PPIH: variants seen among roughly 807,000 people sequenced by gnomAD.
PPIH encodes peptidylprolyl isomerase H.
PPIH carries 16 observed loss-of-function variants against 27.6 expected under a neutral mutation model. That is an observed-to-expected ratio of 0.58 (90% CI 0.39 to 0.88). PPIH has a LOEUF of 0.88. Among genes scored for constraint, PPIH ranks in the 40% least tolerant of loss-of-function variants. The probability of loss-of-function intolerance (pLI) is 0.00; values close to 1 mark genes in which losing one functional copy is unlikely to be tolerated. For missense variants in PPIH, 155 were observed against 224.1 expected (o/e 0.69, Z 1.97); for synonymous variants, 63 against 76.1 (o/e 0.83, Z 0.90).
chr1:42,664,318 G>A (rs1026968134), intron 5 of PPIH, among the ~76,000 whole-genome samples: 1 of 152,184 alleles, frequency 6.6e-6, no homozygotes, highest in Non-Finnish European at 1.5e-5. Flanking sequence ...GCCTCAAAGA[G>A]AGCATCTATC....
chr1:42,659,209 C>G lies in PPIH; in HGVS notation c.132-19C>G. On this transcript the variant is annotated intron_variant, in intron 2 of 9. Coordinates refer to ENST00000304979, the MANE Select transcript of PPIH (RefSeq NM_006347.4). ...GTGACATCATAGTGATTGAATCATT[C>G]ATTTTTTGTCCCTTTCAGGCAGTTC... 6.2e-7 allele frequency: 1 copy of G among 1,614,060 alleles called. No homozygotes were observed. The highest frequency in any genetic ancestry group is 8.5e-7 in the Non-Finnish European group (1 of 1,179,974).
intron 7 of PPIH, 125 bp from the exon 8 acceptor site, chr1:42,666,422 C>G: frequency 1.1e-6 from 1 of 942,674 alleles, no homozygotes; most frequent in Admixed American, 1.9e-5. Flanking sequence ...CATTTCACCT[C>G]TACCGCATCT....
downstream of PPIH, among the ~76,000 whole-genome samples, chr1:42,678,213 C>G (rs1027273991): frequency 1.3e-5 from 2 of 152,120 alleles, no homozygotes; most frequent in Non-Finnish European, 2.9e-5. Context: ...CCGGAGTTGA[C>G]ATTCTTGAGA....
intron 5 of PPIH, among the ~76,000 whole-genome samples, chr1:42,664,243 G>A (rs181077497): frequency 2.9e-4 from 44 of 152,282 alleles, no homozygotes; most frequent in African/African-American, 8.9e-4. Context: ...TTCTCTCTCT[G>A]TTCTCTAGCC....
intron 9 of PPIH, among the ~76,000 whole-genome samples, chr1:42,668,294 C>T (rs1290082849): frequency 2.0e-5 from 3 of 151,976 alleles, no homozygotes; most frequent in Non-Finnish European, 2.9e-5. Flanking sequence ...TTTGCCTTGA[C>T]ATTTGTTTTT....
At chr1:42,659,696 C>T in intron 4 of PPIH, 130 bp downstream of exon 4, 1 of 1,370,138 alleles carries the variant, frequency 7.3e-7, no homozygotes, top group East Asian at 2.4e-5. Context: ...GTGGACTCAA[C>T]AACTGAAGAT....
In PPIH at chr1:42,659,527, A is replaced by T. The variant is rs1244519187; in HGVS notation, c.161A>T (p.Asp54Val). The T allele has an allele frequency of 6.2e-7, 1 of 1,614,092 alleles. No individual in the cohort carries two copies. Among genetic ancestry groups the T allele is most frequent in the African/African-American group, 1.3e-5 (1 of 74,944 alleles). Residue 54 changes from aspartate to valine, a missense_variant, in exon 4 of 10, where the codon GAT (aspartate) becomes GTT (valine). Coordinates refer to ENST00000304979, the MANE Select transcript of PPIH (RefSeq NM_006347.4). ...RQFCTGEFRKDGVPIGYKGST... is the reference protein window; with the variant it reads ...RQFCTGEFRKVGVPIGYKGST... The stretch of plus-strand genomic sequence containing the variant: ...CTCTTTCTTTTCGGTTATAGGAAAG[A>T]TGGGGTTCCAATAGGATACAAAGGA...
intron 5 of PPIH, among the ~76,000 whole-genome samples, chr1:42,662,331 G>C (rs1649082281): frequency 6.6e-6 from 1 of 152,156 alleles, no homozygotes; most frequent in African/African-American, 2.4e-5. Context: ...TTGATCCCAG[G>C]AGTTTGAGAA....
intron 9 of PPIH, among the ~76,000 whole-genome samples, chr1:42,672,474 A>G (rs903049863): frequency 4.6e-5 from 7 of 152,140 alleles, no homozygotes; most frequent in African/African-American, 9.7e-5. Flanking sequence ...CTAATCCTGC[A>G]TTTGAGGCCT....
rs1428000434 is a variant in PPIH at position 42,664,881 on chromosome 1, G to A, written c.262G>A (p.Ala88Thr). The A allele has an allele frequency of 1.9e-6, 3 of 1,613,100 alleles. No homozygotes were observed. Among genetic ancestry groups the A allele is most frequent in the Non-Finnish European group, 2.5e-6 (3 of 1,179,576 alleles). The change falls in exon 6 of 10, where the codon GCC becomes ACC. Residue 88 changes from alanine (A) to threonine (T), a missense_variant. Ala to Thr is a moderately conservative substitution (Grantham distance 58). This residue lies in a region of PPIH where 96 missense variants were observed against 175.3 expected (regional missense o/e 0.55). Transcript: ENST00000304979. ...TGCTCAGGGAGATGGTACTGGAGTC[G>A]CCAGTATTTACCGGGGGCCATTTGC... is the stretch of plus-strand genomic sequence containing the variant. ...DFVNGDGTGV[A>T]SIYRGPFADE...
At chr1:42,674,474 C>T (rs1165387487) in intron 9 of PPIH, among the ~76,000 whole-genome samples, 1 of 152,160 alleles carries the variant, frequency 6.6e-6, no homozygotes, top group African/African-American at 2.4e-5. Context: ...TTTAGCAGTT[C>T]ATATGTTATT....
Position 42,666,583 on chromosome 1 carries a change from T to C in PPIH, c.461T>C (p.Ile154Thr), listed in dbSNP as rs201530232. The change falls in exon 8 of 10, where the codon ATT (isoleucine) becomes ACT (threonine). Residue 154 changes from isoleucine (I) to threonine (T), a missense_variant. This residue lies in a region of PPIH where 96 missense variants were observed against 175.3 expected (regional missense o/e 0.55). Transcript: ENST00000304979. ...IIDGLLVMRK[I>T]ENVPTGPNNK... The stretch of plus-strand genomic sequence containing the variant: ...GATGGACTTCTAGTGATGAGAAAGA[T>C]TGAGGTAAGTACTGCTTTGATTTTT... 316 of 1,613,696 alleles carry C rather than the reference T, an allele frequency of 2.0e-4. 1 individual carries two copies. Among genetic ancestry groups the C allele is most frequent in the Non-Finnish European group, 2.5e-4 (297 of 1,179,758 alleles).
Position 42,665,974 on chromosome 1 carries a change from C to T in PPIH, c.337-6C>T, listed in dbSNP as rs1649311215. The stretch of plus-strand genomic sequence containing the variant: ...ACTTACTGCAGGTATATTTGGTTTC[C>T]ATCAGGCGAACAGTGGTCCAAGTAC... On this transcript the variant is annotated splice_polypyrimidine_tract_variant and splice_region_variant and intron_variant, in intron 6 of 9. Coordinates refer to ENST00000304979, the MANE Select transcript of PPIH (RefSeq NM_006347.4). The T allele has an allele frequency of 6.2e-7, 1 of 1,613,766 alleles. No individual in the cohort carries two copies. Among genetic ancestry groups the T allele is most frequent in the Non-Finnish European group, 8.5e-7 (1 of 1,179,640 alleles).
chr1:42,662,445 A>C (rs751662088), intron 5 of PPIH, among the ~76,000 whole-genome samples: 1 of 152,066 alleles, frequency 6.6e-6, no homozygotes, highest in Non-Finnish European at 1.5e-5. Flanking sequence ...GGTACTTGGT[A>C]GGCTGAGGTA....
chr1:42,665,828 T>G, intron 6 of PPIH, 152 bp from the exon 7 acceptor site: 1 of 657,252 alleles, frequency 1.5e-6, no homozygotes, highest in Non-Finnish European at 2.8e-6. Context: ...TATCCTTGGA[T>G]CCTAGCTTAG....
rs968660217 is a variant in PPIH at position 42,659,681 on chromosome 1, T to C, written c.200+115T>C. On this transcript the variant is annotated intron_variant, in intron 4 of 9. Transcript: ENST00000304979. ...TTCTTACATTTCTTGAGAAGAAATG[T>C]TTTTGTGGACTCAACAACTGAAGAT... 2.7e-5 allele frequency: 40 copies of C among 1,459,542 alleles called. No homozygotes were observed. In the African/African-American group the frequency reaches 5.4e-4, roughly 20 times the overall value. 90.4% of individuals were successfully genotyped at this position (1,459,542 alleles called of 1,614,324 possible).
At chr1:42,659,188 C>T (rs3738494) in intron 2 of PPIH, 40 bp from the exon 3 acceptor site, 969,516 of 1,613,094 alleles carry the variant, frequency 0.6, 292,840 homozygotes, top group South Asian at 0.7. Context: ...ACGACTGTGA[C>T]ATCATAGTGA....
chr1:42,667,144 T>G (rs1303778182), intron 8 of PPIH, among the ~76,000 whole-genome samples: 1 of 152,200 alleles, frequency 6.6e-6, no homozygotes, highest in Non-Finnish European at 1.5e-5. Context: ...CTTATAACTT[T>G]TTCTTATATA....
chr1:42,681,036 T>C (rs746139206), downstream of PPIH, among the ~76,000 whole-genome samples: 18 of 152,212 alleles, frequency 1.2e-4, no homozygotes, highest in East Asian at 1.9e-4. Context: ...CTAGACGGCA[T>C]TGGTAGGGGT....
Sources: gnomAD v4.1 joint callset for allele counts (sites outside exome capture counted in the v4.1 genomes callset) on GRCh38, gnomAD v4.1.1 for gene constraint, gnomAD v4.1.1 regional missense constraint, MANE v1.5 for transcripts, NCBI Gene and HGNC (gene_info 2026-07-23, HGNC 2026-07-21) for gene names.